Variants in CCSER1 observed in about 807,000 individuals in gnomAD.
CCSER1 encodes the protein serine-rich coiled-coil domain-containing protein 1.
CCSER1 carries 41 observed loss-of-function variants against 82.0 expected under a neutral mutation model. The observed-to-expected ratio is 0.50, with a 90% CI of 0.39 to 0.65. The LOEUF is 0.65. Ranked by LOEUF, CCSER1 falls within the 30% of genes least tolerant of loss-of-function variation. The pLI, the probability that CCSER1 is intolerant of heterozygous loss-of-function variation, is 0.00. For missense variants in CCSER1, 1,119 were observed against 1,064.2 expected (o/e 1.05, Z -0.72); for synonymous variants, 414 against 383.9 (o/e 1.08, Z -0.92).
intron 5 of CCSER1, among the ~76,000 whole-genome samples, chr4:90,525,826 G>A (rs746915777): frequency 6.6e-6 from 1 of 151,994 alleles, no homozygotes; most frequent in East Asian, 1.9e-4. Flanking sequence ...TTTTTGTAGA[G>A]ATGGGGTCTC....
intron 1 of CCSER1, among the ~76,000 whole-genome samples, chr4:90,139,480 A>C (rs184065702): frequency 2.0e-5 from 3 of 152,250 alleles, no homozygotes; most frequent in Admixed American, 6.5e-5. Context: ...CCTTCAGGTC[A>C]TATGTTCCTG....
intron 10 of CCSER1, among the ~76,000 whole-genome samples, chr4:91,503,349 A>G (rs1182771752): frequency 6.6e-6 from 1 of 151,864 alleles, no homozygotes; most frequent in African/African-American, 2.4e-5. Context: ...CTCAAAAAAA[A>G]AAAAAAGAAA....
intron 10 of CCSER1, among the ~76,000 whole-genome samples, chr4:91,302,012 T>G (rs1744707923): frequency 6.6e-6 from 1 of 151,896 alleles, no homozygotes; most frequent in African/African-American, 2.4e-5. Flanking sequence ...CCCTTGTTTA[T>G]TTCTTTCTTA....
intron 6 of CCSER1, among the ~76,000 whole-genome samples, chr4:90,650,545 G>C (rs776088077): frequency 1.3e-5 from 2 of 152,182 alleles, no homozygotes; most frequent in Non-Finnish European, 2.9e-5. Context: ...GAGATAATCA[G>C]TGAATGAAAG....
intron 5 of CCSER1, among the ~76,000 whole-genome samples, chr4:90,599,489 A>G (rs2148741185): frequency 6.6e-6 from 1 of 152,242 alleles, no homozygotes; most frequent in Non-Finnish European, 1.5e-5. Context: ...TTCTTTATAA[A>G]TTACCCAGTC....
intron 9 of CCSER1, among the ~76,000 whole-genome samples, chr4:90,941,985 C>G (rs565954422): frequency 1.3e-5 from 2 of 151,810 alleles, no homozygotes; most frequent in South Asian, 2.1e-4. Flanking sequence ...TTCTGGCTCT[C>G]TCTCCCAGGC....
At chr4:91,506,039 A>T (rs1412461933) in intron 10 of CCSER1, among the ~76,000 whole-genome samples, 1 of 151,774 alleles carries the variant, frequency 6.6e-6, no homozygotes, top group Non-Finnish European at 1.5e-5. Flanking sequence ...TATTGCCTAG[A>T]TTTTCTTCTA....
intron 1 of CCSER1, among the ~76,000 whole-genome samples, chr4:90,152,972 T>C (rs1727176845): frequency 6.6e-6 from 1 of 151,378 alleles, no homozygotes. Flanking sequence ...GCCATGCTGC[T>C]GTGCTGCACC....
At chr4:90,171,119 C>T (rs1045027233) in intron 1 of CCSER1, among the ~76,000 whole-genome samples, 1 of 151,028 alleles carries the variant, frequency 6.6e-6, no homozygotes, top group South Asian at 2.1e-4. Flanking sequence ...TAAATATATA[C>T]ACTTAATATG....
intron 3 of CCSER1, among the ~76,000 whole-genome samples, chr4:90,314,248 A>G (rs936916762): frequency 7.2e-5 from 11 of 152,210 alleles, no homozygotes; most frequent in African/African-American, 1.9e-4. Flanking sequence ...ATGGAAACAT[A>G]TATTTCATGC....
At chr4:90,495,245 G>A (rs369417276) in intron 5 of CCSER1, among the ~76,000 whole-genome samples, 10 of 152,238 alleles carry the variant, frequency 6.6e-5, no homozygotes, top group African/African-American at 2.4e-4. Context: ...AACCAACCTT[G>A]TTGAAATGGT....
chr4:90,468,172 G>A (rs2153588016), intron 4 of CCSER1, 62 bp from the exon 5 acceptor site: 2 of 1,419,764 alleles, frequency 1.4e-6, no homozygotes, highest in Non-Finnish European at 9.5e-7. Flanking sequence ...GGGGAAAAAG[G>A]AGATGTGAGA....
intron 1 of CCSER1, among the ~76,000 whole-genome samples, chr4:90,134,276 T>C (rs973157301): frequency 2.0e-5 from 3 of 152,180 alleles, no homozygotes; most frequent in African/African-American, 7.2e-5. Flanking sequence ...TGAAGGAGTA[T>C]ATCTCCTCTT....
At chr4:91,171,625 T>A (rs1367309796) in intron 10 of CCSER1, among the ~76,000 whole-genome samples, 1 of 152,190 alleles carries the variant, frequency 6.6e-6, no homozygotes, top group Non-Finnish European at 1.5e-5. Context: ...AGGCCTCACA[T>A]AATTTGATTC....
At chr4:90,178,157 A>G (rs1230067225) in intron 1 of CCSER1, among the ~76,000 whole-genome samples, 5 of 152,102 alleles carry the variant, frequency 3.3e-5, no homozygotes, top group Non-Finnish European at 1.5e-5. Flanking sequence ...TGAAAGTAAA[A>G]ATTGTTGTAG....
At chr4:90,982,999 C>T (rs2150426302) in intron 9 of CCSER1, among the ~76,000 whole-genome samples, 1 of 151,882 alleles carries the variant, frequency 6.6e-6, no homozygotes, top group East Asian at 1.9e-4. Context: ...TCCATGACCT[C>T]AATCCATCTC....
At chr4:91,219,946 T>A (rs984322779) in intron 10 of CCSER1, among the ~76,000 whole-genome samples, 19 of 152,176 alleles carry the variant, frequency 1.2e-4, no homozygotes, top group Non-Finnish European at 2.6e-4. Flanking sequence ...TGACCAGTGT[T>A]TTTAGAACCT....
In CCSER1 at chr4:90,544,287, C is replaced by T. The variant is rs139425412; in HGVS notation, c.1724+75933C>T. On this transcript the variant is annotated intron_variant, in intron 5 of 10. Transcript: ENST00000509176. ...GTTGTAAGTCCAGGTGTCCCCCAAACCACCTTAAGTATTTATAATTCACTG... is the reference window on the plus strand; with the variant it reads ...GTTGTAAGTCCAGGTGTCCCCCAAATCACCTTAAGTATTTATAATTCACTG... Among the ~76,000 whole-genome samples the T allele has an allele frequency of 1.1e-3, 167 of 152,240 alleles. 3 individuals carry two copies. In the East Asian group the frequency reaches 0.027, roughly 25 times the overall value.
At chr4:90,862,924 T>G (rs75601662) in intron 8 of CCSER1, among the ~76,000 whole-genome samples, 4 of 147,086 alleles carry the variant, frequency 2.7e-5, no homozygotes, top group South Asian at 4.2e-4. Flanking sequence ...TTTTTTTTTT[T>G]GAGAAACAAT....
Sources: gnomAD v4.1 joint callset for allele counts (sites outside exome capture counted in the v4.1 genomes callset) on GRCh38, gnomAD v4.1.1 for gene constraint, MANE v1.5 for transcripts, NCBI Gene and HGNC (gene_info 2026-07-23, HGNC 2026-07-21) for gene names.